Variants in LOC400499 observed in about 807,000 individuals in gnomAD.
At chr16:11,437,191 G>A in the LOC400499 span, among the ~76,000 whole-genome samples, 1 of 152,150 alleles carries the variant, frequency 6.6e-6, no homozygotes, top group Non-Finnish European at 1.5e-5. Flanking sequence ...AGAACCCAGA[G>A]GATTTTTTAG....
chr16:11,507,768 C>CA, the LOC400499 span, among the ~76,000 whole-genome samples: 1 of 151,984 alleles, frequency 6.6e-6, no homozygotes, highest in East Asian at 1.9e-4. Context: ...CCCGTCTCTA[C>CA]AAAAAACACA....
chr16:11,399,545 G>A, the LOC400499 span: 8 of 398,700 alleles, frequency 2.0e-5, no homozygotes, highest in Non-Finnish European at 3.1e-5. Flanking sequence ...CACAGCTGGG[G>A]TCTGCGTGAA....
the LOC400499 span, among the ~76,000 whole-genome samples, chr16:11,463,284 G>A: frequency 6.6e-6 from 1 of 151,482 alleles, no homozygotes. Context: ...GCCACCAGCT[G>A]GTCAGTTTAC....
At chr16:11,395,259 C>A in the LOC400499 span, among the ~76,000 whole-genome samples, 1 of 152,208 alleles carries the variant, frequency 6.6e-6, no homozygotes, top group Non-Finnish European at 1.5e-5. Flanking sequence ...CCTGGGGCCA[C>A]TGGGTTGGGG....
the LOC400499 span, among the ~76,000 whole-genome samples, chr16:11,504,199 G>A: frequency 1.3e-5 from 2 of 152,214 alleles, no homozygotes; most frequent in African/African-American, 4.8e-5. Flanking sequence ...TTCAAAAGGA[G>A]AAAAGAGGGC....
At chr16:11,389,685 CAAAAAAA>C in the LOC400499 span, among the ~76,000 whole-genome samples, 37 of 59,040 alleles carry the variant, frequency 6.3e-4, 1 homozygote, top group Non-Finnish European at 6.4e-4. Flanking sequence ...AACTCCATCT[CAAAAAAA>C]AAAAAAAAAA....
At chr16:11,445,665 G>A in the LOC400499 span, among the ~76,000 whole-genome samples, 67 of 152,248 alleles carry the variant, frequency 4.4e-4, 1 homozygote, top group Middle Eastern at 0.014. Context: ...TGCAGGCCAC[G>A]AAGCAGGGCT....
At chr16:11,399,343 G>A in the LOC400499 span, 2 of 979,116 alleles carry the variant, frequency 2.0e-6, no homozygotes, top group African/African-American at 3.4e-5. Flanking sequence ...GCTCACAGCA[G>A]AGAAGTAAGT....
chr16:11,493,240 G>A, the LOC400499 span, among the ~76,000 whole-genome samples: 4 of 152,216 alleles, frequency 2.6e-5, no homozygotes, highest in Non-Finnish European at 4.4e-5. Context: ...AGACTCTGCA[G>A]GCCATGCGGT....
At chr16:11,525,668 T>G in the LOC400499 span, among the ~76,000 whole-genome samples, 1 of 152,174 alleles carries the variant, frequency 6.6e-6, no homozygotes, top group African/African-American at 2.4e-5. Context: ...CTACATCTGC[T>G]TCACTGCTCA....
chr16:11,379,825 T>C, the LOC400499 span, among the ~76,000 whole-genome samples: 1,493 of 152,378 alleles, frequency 9.8e-3, 26 homozygotes, highest in African/African-American at 0.034. Context: ...TCTGTAGATA[T>C]GTTGTCATTA....
the LOC400499 span, among the ~76,000 whole-genome samples, chr16:11,517,227 A>G: frequency 2.0e-5 from 3 of 150,754 alleles, no homozygotes; most frequent in East Asian, 5.8e-4. Context: ...GAAACCATCT[A>G]CTCCCCTCTA....
the LOC400499 span, among the ~76,000 whole-genome samples, chr16:11,423,600 G>C: frequency 6.6e-6 from 1 of 152,256 alleles, no homozygotes; most frequent in Non-Finnish European, 1.5e-5. Flanking sequence ...CGACGGTGCA[G>C]CCTGGCTTCA....
chr16:11,398,242 G>T, the LOC400499 span: 1 of 1,011,806 alleles, frequency 9.9e-7, no homozygotes, highest in Non-Finnish European at 1.3e-6. Flanking sequence ...GTGGCGTCTG[G>T]CTGCCTCGCT....
chr16:11,449,113 A>G, the LOC400499 span: 2,488 of 1,446,060 alleles, frequency 1.7e-3, 51 homozygotes, highest in African/African-American at 0.031. Flanking sequence ...GAAACCTGCA[A>G]TGAGGTGAGG....
At chr16:11,381,913 C>T in the LOC400499 span, among the ~76,000 whole-genome samples, 2 of 151,354 alleles carry the variant, frequency 1.3e-5, no homozygotes, top group African/African-American at 4.8e-5. Context: ...TGCCTGCTGA[C>T]TCTAAAGGGT....
chr16:11,484,249 C>T, the LOC400499 span, among the ~76,000 whole-genome samples: 4 of 152,028 alleles, frequency 2.6e-5, no homozygotes, highest in East Asian at 1.9e-4. Context: ...CCTCGTGATC[C>T]GCCTGCCTCG....
chr16:11,523,751 C>T, the LOC400499 span, among the ~76,000 whole-genome samples: 1 of 152,012 alleles, frequency 6.6e-6, no homozygotes, highest in African/African-American at 2.4e-5. Context: ...CATCCCTCAT[C>T]ACTACCTGAG....
chr16:11,480,649 T>C, the LOC400499 span, among the ~76,000 whole-genome samples: 4 of 152,078 alleles, frequency 2.6e-5, no homozygotes, highest in East Asian at 7.7e-4. Flanking sequence ...AGGCTAAAGA[T>C]ATATACACCC....
Sources: allele counts gnomAD v4.1 joint callset (sites outside exome capture counted in the v4.1 genomes callset), GRCh38; gene constraint gnomAD v4.1.1; transcripts MANE v1.5.